The following AKAIN1 variants were observed in gnomAD, a reference collection of about 807,000 sequenced individuals.
The protein encoded by AKAIN1 is A-kinase anchor inhibitor 1.
AKAIN1 carries 3 observed loss-of-function variants against 3.7 expected under a neutral mutation model. The observed-to-expected ratio is 0.82, with a 90% CI of 0.37 to 2.12. The LOEUF (loss-of-function observed/expected upper bound fraction) is 2.12, where lower values mean the gene tolerates loss of function less well. Ranked by LOEUF, AKAIN1 falls within the 30% of genes most tolerant of loss-of-function variation. The pLI is 0.06. For synonymous variants in AKAIN1, 31 were observed against 30.8 expected, an observed-to-expected ratio of 1.01 and a Z score of -0.02; for missense variants, 82 against 82.7, an observed-to-expected ratio of 0.99 and a Z score of 0.03.
intron 1 of AKAIN1, among the ~76,000 whole-genome samples, chr18:5,166,788 T>C (rs540653241): frequency 1.3e-5 from 2 of 152,222 alleles, no homozygotes; most frequent in East Asian, 3.9e-4. Context: ...GTAAGCATCT[T>C]GAATAACTCC....
rs2071044923 is a variant in AKAIN1, at chr18:5,145,665, TG to T, written c.106del (p.Gln36LysfsTer27). ...VQNAILQAVQ[Q>X]VSQESQRREE... ...TCTGCGCTGACTCTCCTGGGAGACT[TG>T]CTGCACAGCTTGCAGGATTGCATTC... On this transcript the variant is annotated frameshift_variant, in exon 2 of 2. Transcript: ENST00000434239. LOFTEE classifies it low-confidence loss of function (END_TRUNC). 6.4e-7 allele frequency: 1 copy of T among 1,551,576 alleles called. No homozygotes were observed. Among genetic ancestry groups the T allele is most frequent in the Non-Finnish European group, 8.7e-7 (1 of 1,146,966 alleles).
At chr18:5,165,570 C>T (rs912198945) in intron 1 of AKAIN1, among the ~76,000 whole-genome samples, 7 of 152,134 alleles carry the variant, frequency 4.6e-5, no homozygotes, top group African/African-American at 1.4e-4. Flanking sequence ...CTTGTTCAAC[C>T]TTCATGTCTG....
Position 5,145,323 on chromosome 18 carries a change from G to A in AKAIN1, c.*239C>T, listed in dbSNP as rs1164837130. ...TAAATTGGCCTGCAAAACTACTTTT[G>A]CAATTACAGTGTCATATTTGGCCCC... On this transcript the variant is annotated 3_prime_UTR_variant, in exon 2 of 2. Transcript: ENST00000434239. The A allele has an allele frequency of 2.8e-6, 1 of 358,236 alleles. No homozygotes were observed. The highest frequency in any genetic ancestry group is 4.2e-5 in the East Asian group (1 of 23,626). 22.2% of individuals were successfully genotyped at this position (358,236 alleles called of 1,614,324 possible).
At chr18:5,152,605 T>C (rs566572004) in intron 1 of AKAIN1, among the ~76,000 whole-genome samples, 20 of 152,268 alleles carry the variant, frequency 1.3e-4, no homozygotes, top group Admixed American at 2.6e-4. Context: ...GAACCTGTTA[T>C]GATTACAATA....
chr18:5,180,981 T>C (rs763186443), intron 1 of AKAIN1, among the ~76,000 whole-genome samples: 2 of 152,004 alleles, frequency 1.3e-5, no homozygotes, highest in Non-Finnish European at 2.9e-5. Flanking sequence ...GCAACACTTC[T>C]CTTAGTTTGA....
At chr18:5,153,811 G>A (rs555647443) in intron 1 of AKAIN1, among the ~76,000 whole-genome samples, 2 of 152,236 alleles carry the variant, frequency 1.3e-5, no homozygotes, top group South Asian at 4.1e-4. Flanking sequence ...TGTGGAGTTT[G>A]GGTAATTATG....
At chr18:5,190,751 T>C (rs1567880582) in intron 1 of AKAIN1, among the ~76,000 whole-genome samples, 1 of 152,176 alleles carries the variant, frequency 6.6e-6, no homozygotes, top group Non-Finnish European at 1.5e-5. Context: ...TCTTCCTAAC[T>C]TGCATATGAA....
intron 1 of AKAIN1, among the ~76,000 whole-genome samples, chr18:5,151,263 A>G (rs1427523416): frequency 6.6e-6 from 1 of 152,206 alleles, no homozygotes; most frequent in Non-Finnish European, 1.5e-5. Flanking sequence ...GAACACAGAG[A>G]ACAAGAACTA....
intron 1 of AKAIN1, among the ~76,000 whole-genome samples, chr18:5,195,638 T>C (rs2071343276): frequency 6.6e-6 from 1 of 152,168 alleles, no homozygotes; most frequent in African/African-American, 2.4e-5. Flanking sequence ...CTGGGGATGG[T>C]AGAGTAGGAA....
intron 1 of AKAIN1, among the ~76,000 whole-genome samples, chr18:5,154,952 A>AT (rs1288348701): frequency 1.3e-5 from 2 of 151,890 alleles, no homozygotes; most frequent in African/African-American, 4.8e-5. Flanking sequence ...CGCCCAGCTA[A>AT]TTTTTTGTAT....
intron 1 of AKAIN1, among the ~76,000 whole-genome samples, chr18:5,190,914 A>C (rs967862957): frequency 1.3e-5 from 2 of 152,166 alleles, no homozygotes; most frequent in South Asian, 4.1e-4. Flanking sequence ...AAATACCATC[A>C]CAGTAGAGGT....
chr18:5,154,345 G>GT (rs1291588745), intron 1 of AKAIN1, among the ~76,000 whole-genome samples: 3 of 152,060 alleles, frequency 2.0e-5, no homozygotes, highest in Admixed American at 2.0e-4. Flanking sequence ...TTCTGAGCAC[G>GT]TAGATAACAA....
chr18:5,156,461 G>C (rs1394575926), intron 1 of AKAIN1, among the ~76,000 whole-genome samples: 2 of 152,086 alleles, frequency 1.3e-5, no homozygotes, highest in African/African-American at 2.4e-5. Context: ...GAATCTCAGG[G>C]GGCTAACCAG....
chr18:5,166,449 A>G (rs1011362576), intron 1 of AKAIN1, among the ~76,000 whole-genome samples: 2 of 151,964 alleles, frequency 1.3e-5, no homozygotes, highest in African/African-American at 4.8e-5. Context: ...ATATAGACAC[A>G]CGGACCACTA....
chr18:5,191,002 C>A (rs1022189832), intron 1 of AKAIN1, among the ~76,000 whole-genome samples: 2 of 151,924 alleles, frequency 1.3e-5, no homozygotes, highest in East Asian at 1.9e-4. Flanking sequence ...AATCTCTCAG[C>A]AAACTAGGAA....
At chr18:5,145,837 G>T in intron 1 of AKAIN1, 82 bp from the exon 2 acceptor site, 1 of 1,228,610 alleles carries the variant, frequency 8.1e-7, no homozygotes, top group South Asian at 1.4e-5. Context: ...GGAGAAAGAT[G>T]GGAGGGAAGA....
chr18:5,167,806 A>C (rs569755231), intron 1 of AKAIN1, among the ~76,000 whole-genome samples: 2 of 152,182 alleles, frequency 1.3e-5, no homozygotes, highest in African/African-American at 4.8e-5. Flanking sequence ...GCAGTGCTCT[A>C]TGCCATTCTT....
intron 1 of AKAIN1, among the ~76,000 whole-genome samples, chr18:5,168,546 T>G (rs1420784559): frequency 2.6e-5 from 4 of 152,092 alleles, no homozygotes; most frequent in Admixed American, 1.3e-4. Flanking sequence ...GTCTTTATAT[T>G]TCCATACCTT....
intron 1 of AKAIN1, among the ~76,000 whole-genome samples, chr18:5,193,527 G>T (rs527649712): frequency 9.9e-5 from 15 of 152,170 alleles, no homozygotes; most frequent in Non-Finnish European, 1.9e-4. Flanking sequence ...TTTAGGAAAA[G>T]AAACCTGATT....
Sources: gnomAD v4.1 joint callset for allele counts (sites outside exome capture counted in the v4.1 genomes callset) on GRCh38, gnomAD v4.1.1 for gene constraint, MANE v1.5 for transcripts, NCBI Gene and HGNC (gene_info 2026-07-23, HGNC 2026-07-21) for gene names.